The following AGBL4 variants were observed in gnomAD, a reference collection of about 807,000 sequenced individuals.
The protein encoded by AGBL4 is AGBL carboxypeptidase 4.
Under a neutral mutation model 66.4 loss-of-function variants are expected in AGBL4, and 58 were observed. That is an observed-to-expected ratio of 0.87 (90% CI 0.71 to 1.09). The LOEUF is 1.09. AGBL4 is among the 50% of genes least tolerant of loss of function. The pLI, the probability that AGBL4 is intolerant of heterozygous loss-of-function variation, is 0.00. For synonymous variants in AGBL4, 234 were observed against 222.9 expected (o/e 1.05, Z -0.44); for missense variants, 579 against 631.0 (o/e 0.92, Z 0.88).
intron 1 of AGBL4, among the ~76,000 whole-genome samples, chr1:49,928,859 T>C (rs1262238168): frequency 2.0e-5 from 3 of 151,524 alleles, no homozygotes; most frequent in African/African-American, 4.9e-5. Context: ...AAAAGACACA[T>C]GCACCCATAT....
chr1:49,844,295 G>A (rs1329479933), intron 2 of AGBL4, among the ~76,000 whole-genome samples: 1 of 152,066 alleles, frequency 6.6e-6, no homozygotes, highest in East Asian at 1.9e-4. Context: ...CTGTAGCTGG[G>A]GCCTGGCTGC....
intron 2 of AGBL4, among the ~76,000 whole-genome samples, chr1:49,740,894 C>T (rs1286200139): frequency 6.6e-6 from 1 of 152,118 alleles, no homozygotes; most frequent in African/African-American, 2.4e-5. Flanking sequence ...GGGACACATT[C>T]AAAGCAGTGG....
rs1009875724 is a variant in AGBL4 at position 49,443,782 on chromosome 1, TTA to T, written c.283-197920_283-197919del. Among the ~76,000 whole-genome samples the T allele has an allele frequency of 4.9e-4, 73 of 149,870 alleles. No homozygotes were observed. The East Asian group carries it at 6.0e-3, about 12-fold the overall frequency. Reference sequence around the variant, plus strand: ...TTATTTATATCTGTTCTGATTTTTATTATATATATATATATTTTTAATTTTGA... The same window carrying T: ...TTATTTATATCTGTTCTGATTTTTATTATATATATATATTTTTAATTTTGA... On this transcript the variant is annotated intron_variant, in intron 3 of 13. Coordinates refer to ENST00000371839, the MANE Select transcript of AGBL4 (RefSeq NM_032785.4).
chr1:48,657,869 G>A (rs1247461344), intron 7 of AGBL4, among the ~76,000 whole-genome samples: 1 of 152,168 alleles, frequency 6.6e-6, no homozygotes, highest in Non-Finnish European at 1.5e-5. Context: ...TCTTTTTTGA[G>A]ATTGAGGCTT....
intron 2 of AGBL4, among the ~76,000 whole-genome samples, chr1:49,727,765 C>G (rs1306701351): frequency 1.3e-5 from 2 of 152,000 alleles, no homozygotes; most frequent in East Asian, 1.9e-4. Context: ...ATCTTAGAAG[C>G]CAATAGTCCC....
chr1:50,022,657 CACA>C (rs1207734914), intron 1 of AGBL4, among the ~76,000 whole-genome samples: 7 of 130,456 alleles, frequency 5.4e-5, no homozygotes, highest in South Asian at 2.6e-4. Context: ...CACACACACA[CACA>C]CCAGGACCAA....
At chr1:48,761,495 G>C in intron 6 of AGBL4, 19 of 1,544,340 alleles carry the variant, frequency 1.2e-5, no homozygotes, top group Non-Finnish European at 1.6e-5. Context: ...AAGAGAACAA[G>C]GTTCATCATG....
intron 5 of AGBL4, among the ~76,000 whole-genome samples, chr1:48,943,328 C>A (rs1656176076): frequency 6.6e-6 from 1 of 152,208 alleles, no homozygotes; most frequent in Admixed American, 6.5e-5. Flanking sequence ...CGCCTTCACT[C>A]ATCTGTGCTT....
chr1:49,313,121 G>A lies in AGBL4; in HGVS notation c.283-67257C>T, dbSNP rs551878744. Among the ~76,000 whole-genome samples the A allele has an allele frequency of 4.7e-4, 71 of 151,938 alleles. No individual in the cohort carries two copies. In the South Asian group the frequency reaches 6.8e-3, roughly 15 times the overall value. On this transcript the variant is annotated intron_variant, in intron 3 of 13. Transcript: ENST00000371839. ...CTCCCATTTATGAGTGAGAACATGC[G>A]GTGTTTGGTTTTCTCTTCTTGTTTT...
At chr1:49,201,600 C>T (rs768291) in intron 4 of AGBL4, among the ~76,000 whole-genome samples, 1 of 152,076 alleles carries the variant, frequency 6.6e-6, no homozygotes, top group African/African-American at 2.4e-5. Flanking sequence ...TAAGAAATTG[C>T]TTCTTAAATT....
chr1:49,291,704 G>T (rs766035294), intron 3 of AGBL4, among the ~76,000 whole-genome samples: 6 of 152,198 alleles, frequency 3.9e-5, no homozygotes, highest in Non-Finnish European at 7.3e-5. Flanking sequence ...TTTTGATCAG[G>T]GTCATGGTAA....
intron 6 of AGBL4, among the ~76,000 whole-genome samples, chr1:48,675,167 A>G (rs978865165): frequency 3.3e-5 from 5 of 152,094 alleles, no homozygotes; most frequent in African/African-American, 1.2e-4. Flanking sequence ...CACCCATCGC[A>G]TGTTGGATCT....
At chr1:48,739,023 C>T (rs1455624661) in intron 6 of AGBL4, among the ~76,000 whole-genome samples, 3 of 152,212 alleles carry the variant, frequency 2.0e-5, no homozygotes, top group Non-Finnish European at 2.9e-5. Context: ...CTTCTGCTCT[C>T]CCTGTCTTCC....
chr1:49,760,030 T>C (rs564019589), intron 2 of AGBL4, among the ~76,000 whole-genome samples: 26 of 152,316 alleles, frequency 1.7e-4, no homozygotes, highest in Admixed American at 7.2e-4. Flanking sequence ...TGGAACTAGA[T>C]AGAGATGATG....
chr1:49,327,300 C>T (rs1183153335), intron 3 of AGBL4, among the ~76,000 whole-genome samples: 1 of 152,182 alleles, frequency 6.6e-6, no homozygotes, highest in East Asian at 1.9e-4. Flanking sequence ...CTCTTATCTG[C>T]ATCTCAGTTC....
chr1:48,774,935 C>T (rs923078666), intron 6 of AGBL4, among the ~76,000 whole-genome samples: 1 of 152,216 alleles, frequency 6.6e-6, no homozygotes, highest in Non-Finnish European at 1.5e-5. Context: ...CCTTCCAGAT[C>T]TAGGAGTACA....
chr1:48,542,028 TC>T (rs1191693448), intron 11 of AGBL4, among the ~76,000 whole-genome samples: 1 of 152,154 alleles, frequency 6.6e-6, no homozygotes, highest in Non-Finnish European at 1.5e-5. Context: ...TGTGTGTTTT[TC>T]CCCTCCCTGT....
At position 49,995,664 on chromosome 1, in the gene AGBL4, C is replaced by T. The variant is rs974378217; in HGVS notation, c.34+28099G>A. On this transcript the variant is annotated intron_variant, in intron 1 of 13. Coordinates refer to ENST00000371839, the MANE Select transcript of AGBL4 (RefSeq NM_032785.4). The stretch of plus-strand genomic sequence containing the variant: ...CTTATCCAAGCAACCCTAGGGCAAG[C>T]TTGTATTCTCCCTATACTACTGCAG... 7 of 188,476 alleles carry T rather than the reference C, an allele frequency of 3.7e-5. No individual in the cohort carries two copies. The East Asian group carries it at 8.2e-4, about 22-fold the overall frequency. 11.7% of individuals were successfully genotyped at this position (188,476 alleles called of 1,614,324 possible). A position where few individuals can be genotyped will look rare whatever the true frequency, so the allele number is the denominator to read the frequency against.
chr1:49,945,639 A>T (rs182162787), intron 1 of AGBL4, among the ~76,000 whole-genome samples: 1 of 152,258 alleles, frequency 6.6e-6, no homozygotes, highest in East Asian at 1.9e-4. Flanking sequence ...CACAGAACTT[A>T]TAAAACAAAA....
Sources: allele counts gnomAD v4.1 joint callset (sites outside exome capture counted in the v4.1 genomes callset), GRCh38; gene constraint gnomAD v4.1.1; transcripts MANE v1.5; gene names NCBI Gene and HGNC (gene_info 2026-07-23, HGNC 2026-07-21).